LRRC28: variants seen among roughly 807,000 people sequenced by gnomAD.
The protein encoded by LRRC28 is leucine rich repeat containing 28, also known as leucine-rich repeat-containing protein 28.
In LRRC28, 39 loss-of-function variants were observed where a neutral mutation model predicts 45.7. The observed-to-expected ratio is 0.85, with a 90% CI of 0.66 to 1.12. LRRC28 has a LOEUF of 1.12. Ranked by LOEUF, LRRC28 falls within the 50% of genes most tolerant of loss-of-function variation. The probability of loss-of-function intolerance (pLI) is 0.00; values close to 1 mark genes in which losing one functional copy is unlikely to be tolerated. For missense variants in LRRC28, 435 were observed against 438.5 expected (o/e 0.99, Z 0.07); for synonymous variants, 206 against 178.8 (o/e 1.15, Z -1.22).
At chr15:99,359,987 C>G (rs1490668217) in intron 7 of LRRC28, among the ~76,000 whole-genome samples, 2 of 152,120 alleles carry the variant, frequency 1.3e-5, no homozygotes, top group African/African-American at 2.4e-5. Context: ...TTTGGGTTCT[C>G]TTTACCTCTT....
intron 5 of LRRC28, among the ~76,000 whole-genome samples, chr15:99,317,833 T>G (rs1955651891): frequency 6.6e-6 from 1 of 152,220 alleles, no homozygotes; most frequent in South Asian, 2.1e-4. Flanking sequence ...TGTTTGCTAT[T>G]CTCCATAAAC....
intron 5 of LRRC28, among the ~76,000 whole-genome samples, chr15:99,308,250 G>T (rs1365398836): frequency 6.6e-6 from 1 of 152,194 alleles, no homozygotes; most frequent in Non-Finnish European, 1.5e-5. Context: ...TAGTAAGGTA[G>T]AATCGAGACA....
intron 5 of LRRC28, among the ~76,000 whole-genome samples, chr15:99,330,780 T>G (rs1253170906): frequency 5.9e-5 from 9 of 152,180 alleles, no homozygotes; most frequent in African/African-American, 1.2e-4. Context: ...ACATATCTTG[T>G]ATTTTTTTCC....
At chr15:99,370,135 G>A (rs934349729) in intron 9 of LRRC28, among the ~76,000 whole-genome samples, 1 of 152,188 alleles carries the variant, frequency 6.6e-6, no homozygotes, top group Non-Finnish European at 1.5e-5. Flanking sequence ...CTGGGCCAAG[G>A]TGTCATAGCA....
intron 6 of LRRC28, among the ~76,000 whole-genome samples, chr15:99,341,986 A>G (rs1366445358): frequency 6.6e-6 from 1 of 152,206 alleles, no homozygotes; most frequent in Non-Finnish European, 1.5e-5. Context: ...GGCACAATGC[A>G]GTGAAGACAT....
chr15:99,360,040 G>A (rs1957157059), intron 7 of LRRC28, among the ~76,000 whole-genome samples: 1 of 151,788 alleles, frequency 6.6e-6, no homozygotes, highest in Middle Eastern at 3.4e-3. Context: ...ACTGTGGTCA[G>A]ATATTTGGTA....
chr15:99,282,308 C>T (rs193209342), intron 3 of LRRC28, among the ~76,000 whole-genome samples: 52 of 150,046 alleles, frequency 3.5e-4, no homozygotes, highest in African/African-American at 1.2e-3. Flanking sequence ...TTTGGGATTT[C>T]CTTCCTGTTC....
intron 2 of LRRC28, chr15:99,257,793 G>C: frequency 2.6e-6 from 2 of 780,218 alleles, no homozygotes; most frequent in Non-Finnish European, 2.4e-6. Context: ...AGAGGAAGAA[G>C]CTATTCAGTT....
At chr15:99,266,265 A>T (rs550903822) in intron 2 of LRRC28, among the ~76,000 whole-genome samples, 1 of 152,336 alleles carries the variant, frequency 6.6e-6, no homozygotes, top group East Asian at 1.9e-4. Context: ...GAACAGGCAA[A>T]TGAAAAAAGA....
At chr15:99,313,566 T>G (rs1170754024) in intron 5 of LRRC28, among the ~76,000 whole-genome samples, 1 of 152,178 alleles carries the variant, frequency 6.6e-6, no homozygotes, top group Non-Finnish European at 1.5e-5. Flanking sequence ...TCAAAAGAAC[T>G]TGATTCCTTC....
chr15:99,277,512 T>G (rs1199785294), intron 3 of LRRC28, among the ~76,000 whole-genome samples: 1 of 152,152 alleles, frequency 6.6e-6, no homozygotes, highest in African/African-American at 2.4e-5. Context: ...AATGTCATTA[T>G]CACACCTAAG....
intron 6 of LRRC28, among the ~76,000 whole-genome samples, chr15:99,335,674 T>A (rs1956298726): frequency 6.6e-6 from 1 of 150,758 alleles, no homozygotes; most frequent in African/African-American, 2.5e-5. Context: ...TCTCTAAAAA[T>A]TTTTTTTTAC....
chr15:99,367,693 G>A (rs56679647), intron 9 of LRRC28, among the ~76,000 whole-genome samples: 43,476 of 152,034 alleles, frequency 0.29, 6,273 homozygotes, highest in East Asian at 0.37. Context: ...TAGAAGAGAC[G>A]TATAAAGCAA....
intron 5 of LRRC28, among the ~76,000 whole-genome samples, chr15:99,313,815 G>C (rs1005791138): frequency 5.3e-5 from 8 of 151,896 alleles, no homozygotes; most frequent in Admixed American, 3.9e-4. Flanking sequence ...TTTGTCCCCT[G>C]CCCCAAATTG....
chr15:99,316,183 G>C (rs1955586297), intron 5 of LRRC28, among the ~76,000 whole-genome samples: 1 of 151,912 alleles, frequency 6.6e-6, no homozygotes, highest in Admixed American at 6.6e-5. Flanking sequence ...CTGAATGTAA[G>C]GTTATATAAA....
intron 2 of LRRC28, chr15:99,258,337 C>T (rs1173361270): frequency 1.8e-5 from 26 of 1,423,070 alleles, no homozygotes; most frequent in Non-Finnish European, 2.5e-5. Flanking sequence ...CAAGAGGAAA[C>T]ACTCTAGGAC....
intron 5 of LRRC28, among the ~76,000 whole-genome samples, chr15:99,327,032 T>C (rs1956003555): frequency 6.6e-6 from 1 of 152,178 alleles, no homozygotes; most frequent in Admixed American, 6.5e-5. Flanking sequence ...GGTCTTTTCT[T>C]ATGGGAGGAT....
chr15:99,259,538 G>GA, intron 2 of LRRC28: 2 of 1,240,180 alleles, frequency 1.6e-6, no homozygotes, highest in Non-Finnish European at 2.4e-6. Context: ...GTGCCTGACA[G>GA]AATCTCTGTG....
At chr15:99,270,975 G>A (rs1321474115) in intron 2 of LRRC28, among the ~76,000 whole-genome samples, 1 of 152,134 alleles carries the variant, frequency 6.6e-6, no homozygotes, top group Admixed American at 6.6e-5. Context: ...GGTATGAAGT[G>A]TCACCTTATT....
Sources: gnomAD v4.1 joint callset for allele counts (sites outside exome capture counted in the v4.1 genomes callset) on GRCh38, gnomAD v4.1.1 for gene constraint, MANE v1.5 for transcripts, NCBI Gene and HGNC (gene_info 2026-07-23, HGNC 2026-07-21) for gene names.